RIMS3: variants seen among roughly 807,000 people sequenced by gnomAD.
RIMS3 encodes the protein regulating synaptic membrane exocytosis protein 3.
RIMS3 carries 15 observed loss-of-function variants against 29.2 expected under a neutral mutation model. That is an observed-to-expected ratio of 0.51 (90% CI 0.34 to 0.79). RIMS3 has a LOEUF of 0.79. RIMS3 is among the 30% of genes least tolerant of loss of function. RIMS3 has a pLI of 0.01. For missense variants in RIMS3, 342 were observed against 421.4 expected (o/e 0.81, Z 1.65); for synonymous variants, 161 against 170.1 (o/e 0.95, Z 0.41).
intron 3 of RIMS3, among the ~76,000 whole-genome samples, chr1:40,640,223 C>A (rs915259800): frequency 1.3e-5 from 2 of 152,138 alleles, no homozygotes; most frequent in African/African-American, 4.8e-5. Flanking sequence ...CAGCCCCTTC[C>A]TTGTCCCAGC....
Position 40,647,720 on chromosome 1 carries a change from AC to A in RIMS3, c.-85del, listed in dbSNP as rs1355147978. On this transcript the variant is annotated 5_prime_UTR_variant, in exon 2 of 8. Transcript: ENST00000372684. ...CCGCATCACAGGGGGCTGCCTCCCAACAGCACACCCCTAGGGCATTTGCACA... is the reference window on the plus strand; with the variant it reads ...CCGCATCACAGGGGGCTGCCTCCCAAAGCACACCCCTAGGGCATTTGCACA... 1 of 152,180 alleles carries A rather than the reference AC, an allele frequency of 6.6e-6. No homozygotes were observed. The highest frequency in any genetic ancestry group is 1.5e-5 in the Non-Finnish European group (1 of 68,038). The allele number at this position is 152,180 out of a possible 1,614,324, so 9.4% of individuals were successfully genotyped here. A position where few individuals can be genotyped will look rare whatever the true frequency, so the allele number is the denominator to read the frequency against.
chr1:40,691,686 G>C, the RIMS3 span: 3 of 450,768 alleles, frequency 6.7e-6, no homozygotes, highest in South Asian at 4.7e-5. Context: ...GGAGGGGGAA[G>C]GGAAAAGGGG....
At chr1:40,669,427 C>T (rs1270677902), upstream of RIMS3, 2 of 152,178 alleles carry the variant, frequency 1.3e-5, no homozygotes, top group East Asian at 3.9e-4. Context: ...TGAGGTTTAC[C>T]TTTATCCAGG....
chr1:40,686,814 G>A, the RIMS3 span, among the ~76,000 whole-genome samples: 4 of 151,914 alleles, frequency 2.6e-5, no homozygotes, highest in Admixed American at 2.0e-4. Context: ...TCAGGCCCTC[G>A]CCCTCATTAT....
chr1:40,644,600 G>A lies in RIMS3; in HGVS notation c.-31-2644C>T, dbSNP rs116366804. 4.2e-3 allele frequency among the ~76,000 whole-genome samples: 645 copies of A among 152,342 alleles called. 7 individuals carry two copies. Among genetic ancestry groups the A allele is most frequent in the African/African-American group, 0.014 (582 of 41,570 alleles). On this transcript the variant is annotated intron_variant, in intron 2 of 7. Coordinates refer to ENST00000372684, the MANE Select transcript of RIMS3 (RefSeq NM_014747.3). ...AGAGGGCCCTGAGAACCACTCTGGG[G>A]GAGGGGGCTGCAGGAGTCCATGGCT... is the stretch of plus-strand genomic sequence containing the variant.
At chr1:40,684,924 G>C in the RIMS3 span, among the ~76,000 whole-genome samples, 1 of 152,174 alleles carries the variant, frequency 6.6e-6, no homozygotes, top group African/African-American at 2.4e-5. Flanking sequence ...TCAGGGTCTG[G>C]AAGTTGCAGG....
intron 5 of RIMS3, among the ~76,000 whole-genome samples, chr1:40,631,721 T>C (rs1646490312): frequency 6.6e-6 from 1 of 151,966 alleles, no homozygotes; most frequent in Non-Finnish European, 1.5e-5. Flanking sequence ...GGCTTATGCC[T>C]GTAATCCCGG....
rs1646519158 is a variant in RIMS3, at chr1:40,636,255, G to A, written c.218-198C>T. Among the ~76,000 whole-genome samples, 1 of 152,146 alleles carries A rather than the reference G, an allele frequency of 6.6e-6. No homozygotes were observed. Among genetic ancestry groups the A allele is most frequent in the Non-Finnish European group, 1.5e-5 (1 of 68,032 alleles). The stretch of plus-strand genomic sequence containing the variant: ...CAGCCTGACACCTGGCCCTGCTCCG[G>A]GCAGTGACACTGACAGAGCAGACTA... On this transcript the variant is annotated intron_variant, in intron 3 of 7. Coordinates refer to ENST00000372684, the MANE Select transcript of RIMS3 (RefSeq NM_014747.3). This position sits in a 1 kb window ranked among gnomAD's most constrained non-coding sequence, Gnocchi z 4.2.
chr1:40,626,326 AC>A lies in RIMS3; in HGVS notation c.*190del. On this transcript the variant is annotated 3_prime_UTR_variant, in exon 8 of 8. Transcript: ENST00000372684. The stretch of plus-strand genomic sequence containing the variant: ...ATGAACAGATAGAACGTGGTCACGT[AC>A]ACACACACACACACGCACGCACACA... The A allele has an allele frequency of 8.4e-6, 2 of 238,590 alleles. No homozygotes were observed. Among genetic ancestry groups the A allele is most frequent in the Non-Finnish European group, 1.7e-5 (2 of 119,776 alleles). The allele number at this position is 238,590 out of a possible 1,614,324, so 14.8% of individuals were successfully genotyped here.
At chr1:40,681,863 T>C in the RIMS3 span, among the ~76,000 whole-genome samples, 1 of 152,208 alleles carries the variant, frequency 6.6e-6, no homozygotes, top group Non-Finnish European at 1.5e-5. Flanking sequence ...GACTGAGTTT[T>C]GCTCTTGTCA....
At chr1:40,644,051 A>G (rs1646578650) in intron 2 of RIMS3, among the ~76,000 whole-genome samples, 1 of 89,282 alleles carries the variant, frequency 1.1e-5, no homozygotes, top group Admixed American at 1.0e-4. Flanking sequence ...TCCCATGCTT[A>G]CAAGAAAGGT....
intron 1 of RIMS3, among the ~76,000 whole-genome samples, chr1:40,659,908 T>C (rs1356330008): frequency 6.6e-6 from 1 of 152,164 alleles, no homozygotes; most frequent in African/African-American, 2.4e-5. Flanking sequence ...CGTCAGTGCA[T>C]CTGGCTTTCA....
At chr1:40,672,886 G>C in the RIMS3 span, among the ~76,000 whole-genome samples, 1 of 146,326 alleles carries the variant, frequency 6.8e-6, no homozygotes, top group African/African-American at 2.5e-5. Flanking sequence ...AAAAAAAAAG[G>C]CCGGGCATGG....
rs557113653 is a variant in RIMS3, at chr1:40,626,335, C to T, written c.*182G>A. ...TAGAACGTGGTCACGTACACACACA[C>T]ACACACGCACGCACACACGCACACA... is the stretch of plus-strand genomic sequence containing the variant. On this transcript the variant is annotated 3_prime_UTR_variant, in exon 8 of 8. Transcript: ENST00000372684. The T allele has an allele frequency of 6.4e-5, 42 of 654,770 alleles. No homozygotes were observed. In the East Asian group the frequency reaches 8.2e-4, roughly 13 times the overall value. 40.6% of individuals were successfully genotyped at this position (654,770 alleles called of 1,614,324 possible).
In RIMS3 at chr1:40,654,253, G is replaced by A. The variant is rs1308791287; in HGVS notation, c.-206-6411C>T. 6.6e-6 allele frequency among the ~76,000 whole-genome samples: 1 copy of A among 150,552 alleles called. No homozygotes were observed. Among genetic ancestry groups the A allele is most frequent in the Admixed American group, 6.6e-5 (1 of 15,186 alleles). On this transcript the variant is annotated intron_variant, in intron 1 of 7. Transcript: ENST00000372684. The surrounding 1 kb of genome is among the most constrained non-coding windows in gnomAD (Gnocchi z 5.3). ...CCAGTTACCAGCCCCGCACCAAGCCGGAAGGCGCCGCCCGCGCCTGCTGCC... is the reference window on the plus strand; with the variant it reads ...CCAGTTACCAGCCCCGCACCAAGCCAGAAGGCGCCGCCCGCGCCTGCTGCC...
intron 5 of RIMS3, among the ~76,000 whole-genome samples, chr1:40,630,231 G>A (rs1378513901): frequency 1.3e-5 from 2 of 152,214 alleles, no homozygotes; most frequent in East Asian, 3.8e-4. Context: ...CTTTCTGGGT[G>A]TGGACGGCTG....
the RIMS3 span, among the ~76,000 whole-genome samples, chr1:40,685,235 G>A: frequency 1.3e-4 from 19 of 145,646 alleles, no homozygotes; most frequent in African/African-American, 4.9e-4. Context: ...GAAATCAAAC[G>A]CCAAGACAGA....
At position 40,657,482 on chromosome 1, in the gene RIMS3, A is replaced by G. The variant is rs147803850; in HGVS notation, c.-207+7912T>C. Among the ~76,000 whole-genome samples, 10 of 152,326 alleles carry G rather than the reference A, an allele frequency of 6.6e-5. No homozygotes were observed. In the East Asian group the frequency reaches 1.9e-3, roughly 29 times the overall value. ...GATGACAGACTGGGTGTCGTGAATC[A>G]CACCTGTAATCCCAGCACTTTCAGA... On this transcript the variant is annotated intron_variant, in intron 1 of 7. Transcript: ENST00000372684.
At position 40,642,968 on chromosome 1, in the gene RIMS3, AAAT is replaced by A. The variant is rs1358408885; in HGVS notation, c.-31-1015_-31-1013del. The stretch of plus-strand genomic sequence containing the variant: ...GAGACTCTGTCTCAAAAAAAAAAAA[AAAT>A]ATTATATCATAAGCATTTCCCAATG... On this transcript the variant is annotated intron_variant, in intron 2 of 7. Transcript: ENST00000372684. Among the ~76,000 whole-genome samples the A allele has an allele frequency of 1.2e-3, 173 of 143,120 alleles. 1 individual carries two copies. The highest frequency in any genetic ancestry group is 7.1e-3 in the Middle Eastern group (2 of 282). 93.9% of individuals were successfully genotyped at this position (143,120 alleles called of 152,430 possible).
Sources: gnomAD v4.1 joint callset for allele counts (sites outside exome capture counted in the v4.1 genomes callset) on GRCh38, gnomAD v4.1.1 for gene constraint, Gnocchi (gnomAD v3.1) non-coding constraint, MANE v1.5 for transcripts, NCBI Gene and HGNC (gene_info 2026-07-23, HGNC 2026-07-21) for gene names.